ADGRB3: variants seen among roughly 807,000 people sequenced by gnomAD.
ADGRB3 encodes the protein adhesion G protein-coupled receptor B3, also known as brain-specific angiogenesis inhibitor 3.
ADGRB3 carries 37 observed loss-of-function variants against 193.4 expected under a neutral mutation model. The observed-to-expected ratio is 0.19, with a 90% CI of 0.15 to 0.25. The LOEUF (loss-of-function observed/expected upper bound fraction) is 0.25, where lower values mean the gene tolerates loss of function less well. Ranked by LOEUF, ADGRB3 falls within the 10% of genes least tolerant of loss-of-function variation. The pLI, the probability that ADGRB3 is intolerant of heterozygous loss-of-function variation, is 1.00. For synonymous variants in ADGRB3, 690 were observed against 644.2 expected, an observed-to-expected ratio of 1.07 and a Z score of -1.08; for missense variants, 1,637 against 1,852.9, an observed-to-expected ratio of 0.88 and a Z score of 2.14.
chr6:69,109,812 A>G (rs922087589), intron 17 of ADGRB3, among the ~76,000 whole-genome samples: 15 of 152,196 alleles, frequency 9.9e-5, no homozygotes, highest in Admixed American at 2.0e-4. Flanking sequence ...CTAGTCTCTA[A>G]TATCAATAAC....
intron 3 of ADGRB3, among the ~76,000 whole-genome samples, chr6:68,692,688 G>C (rs1407086597): frequency 4.0e-5 from 6 of 151,446 alleles, no homozygotes; most frequent in Admixed American, 4.0e-4. Flanking sequence ...TATCCCTAAG[G>C]CTTCCTTTGC....
chr6:68,720,708 T>G (rs1455734057), intron 3 of ADGRB3, among the ~76,000 whole-genome samples: 1 of 151,770 alleles, frequency 6.6e-6, no homozygotes, highest in Non-Finnish European at 1.5e-5. Context: ...TGTGTTTTAT[T>G]TTAGTCCTGC....
At chr6:69,347,247 AC>A (rs1192103192) in intron 26 of ADGRB3, among the ~76,000 whole-genome samples, 2 of 152,082 alleles carry the variant, frequency 1.3e-5, no homozygotes, top group African/African-American at 4.8e-5. Context: ...TAGGAGAAAT[AC>A]CTAATGTAGA....
At chr6:68,865,566 C>T (rs952678348) in intron 3 of ADGRB3, among the ~76,000 whole-genome samples, 3 of 152,160 alleles carry the variant, frequency 2.0e-5, no homozygotes, top group Admixed American at 6.5e-5. Context: ...CCTCAGCCAT[C>T]TTCAGCCCTC....
chr6:68,645,456 C>G (rs1188507760), intron 3 of ADGRB3, among the ~76,000 whole-genome samples: 2 of 152,042 alleles, frequency 1.3e-5, no homozygotes, highest in Non-Finnish European at 2.9e-5. Context: ...ATACTTTTTT[C>G]TAGGTGTGTC....
intron 20 of ADGRB3, among the ~76,000 whole-genome samples, chr6:69,261,375 T>C (rs914666635): frequency 2.0e-5 from 3 of 152,138 alleles, no homozygotes; most frequent in African/African-American, 7.2e-5. Flanking sequence ...TAAGTTTATA[T>C]AGAATGAAGA....
chr6:69,100,543 T>G (rs1200843516), intron 17 of ADGRB3, among the ~76,000 whole-genome samples: 1 of 152,040 alleles, frequency 6.6e-6, no homozygotes, highest in Non-Finnish European at 1.5e-5. Flanking sequence ...ACAGCTGACC[T>G]TCTCCCATAT....
At chr6:69,203,738 T>G (rs561285597) in intron 17 of ADGRB3, among the ~76,000 whole-genome samples, 2 of 152,282 alleles carry the variant, frequency 1.3e-5, no homozygotes, top group Non-Finnish European at 2.9e-5. Flanking sequence ...CTAACAAATA[T>G]GCATAATCCG....
chr6:69,165,335 T>C (rs948635610), intron 17 of ADGRB3, among the ~76,000 whole-genome samples: 1 of 151,994 alleles, frequency 6.6e-6, no homozygotes, highest in Non-Finnish European at 1.5e-5. Flanking sequence ...AAATCCAAAA[T>C]ATGTAGGACA....
intron 20 of ADGRB3, among the ~76,000 whole-genome samples, chr6:69,301,287 T>C (rs1767944213): frequency 6.6e-6 from 1 of 151,752 alleles, no homozygotes; most frequent in African/African-American, 2.4e-5. Context: ...ACAGATTATA[T>C]TCACTGTCGA....
intron 3 of ADGRB3, among the ~76,000 whole-genome samples, chr6:68,866,060 G>T (rs980070051): frequency 6.6e-6 from 1 of 151,976 alleles, no homozygotes; most frequent in Non-Finnish European, 1.5e-5. Flanking sequence ...CCCAATTATG[G>T]GTGCCTCACT....
intron 3 of ADGRB3, among the ~76,000 whole-genome samples, chr6:68,744,723 A>G (rs769359984): frequency 6.6e-6 from 1 of 152,094 alleles, no homozygotes; most frequent in Non-Finnish European, 1.5e-5. Flanking sequence ...AACATCACAC[A>G]CCAGGGCCTG....
intron 3 of ADGRB3, among the ~76,000 whole-genome samples, chr6:68,849,755 A>G (rs1582252857): frequency 6.6e-6 from 1 of 151,904 alleles, no homozygotes; most frequent in African/African-American, 2.4e-5. Context: ...AACTTCTTAG[A>G]TAGATGTTTG....
chr6:69,054,731 A>G (rs1582426021), intron 15 of ADGRB3, among the ~76,000 whole-genome samples: 1 of 152,300 alleles, frequency 6.6e-6, no homozygotes, highest in Middle Eastern at 3.4e-3. Flanking sequence ...GGCATTTTTA[A>G]AATTCTAGAT....
intron 3 of ADGRB3, among the ~76,000 whole-genome samples, chr6:68,757,441 CTTAT>C (rs1319415266): frequency 6.6e-6 from 1 of 152,090 alleles, no homozygotes; most frequent in Non-Finnish European, 1.5e-5. Flanking sequence ...TTTTCACAAC[CTTAT>C]TTGTCTGACT....
intron 3 of ADGRB3, among the ~76,000 whole-genome samples, chr6:68,737,115 G>T (rs1227600178): frequency 6.6e-6 from 1 of 152,042 alleles, no homozygotes; most frequent in Non-Finnish European, 1.5e-5. Context: ...AAAATGTTAA[G>T]AATAAATGTT....
At chr6:68,858,037 A>G (rs1236566277) in intron 3 of ADGRB3, among the ~76,000 whole-genome samples, 1 of 152,168 alleles carries the variant, frequency 6.6e-6, no homozygotes, top group Non-Finnish European at 1.5e-5. Context: ...GCCTTCCACC[A>G]TGATTGTGAG....
chr6:68,958,343 A>G (rs552794478), intron 8 of ADGRB3, among the ~76,000 whole-genome samples: 1 of 152,354 alleles, frequency 6.6e-6, no homozygotes, highest in Non-Finnish European at 1.5e-5. Flanking sequence ...GTGCTGCGTA[A>G]GAAGAATTAA....
chr6:69,338,774 T>A, intron 24 of ADGRB3, 142 bp from the exon 25 acceptor site: 1 of 705,854 alleles, frequency 1.4e-6, no homozygotes, highest in Non-Finnish European at 2.5e-6. Context: ...AAATGCATCT[T>A]TACAACAACC....
Sources: allele counts gnomAD v4.1 joint callset (sites outside exome capture counted in the v4.1 genomes callset), GRCh38; gene constraint gnomAD v4.1.1; transcripts MANE v1.5; gene names NCBI Gene and HGNC (gene_info 2026-07-23, HGNC 2026-07-21).